FCGRT: variants seen among roughly 807,000 people sequenced by gnomAD.
FCGRT encodes Fc gamma receptor and transporter.
FCGRT carries 13 observed loss-of-function variants against 35.7 expected under a neutral mutation model. That is an observed-to-expected ratio of 0.36 (90% CI 0.24 to 0.58). The LOEUF (loss-of-function observed/expected upper bound fraction) is 0.58, where lower values mean the gene tolerates loss of function less well. FCGRT is among the 20% of genes least tolerant of loss of function. The pLI is 0.77. For synonymous variants in FCGRT, 233 were observed against 216.5 expected (o/e 1.08, Z -0.67); for missense variants, 455 against 474.9 (o/e 0.96, Z 0.39).
chr19:49,514,317 C>T lies in FCGRT; in HGVS notation c.432C>T (p.Asp144=), dbSNP rs1373233594. The change falls in exon 4 of 7, where the codon GAC becomes GAT. Residue 144 remains aspartate, a synonymous_variant. Coordinates refer to ENST00000221466, the MANE Select transcript of FCGRT (RefSeq NM_001136019.3). ...ALNGEEFMNF[D]LKQGTWGGDW... Reference sequence around the variant, plus strand: ...ACGGCGAGGAGTTCATGAATTTCGACCTCAAGCAGGGCACCTGGGGTGGGG... The same window carrying T: ...ACGGCGAGGAGTTCATGAATTTCGATCTCAAGCAGGGCACCTGGGGTGGGG... The T allele has an allele frequency of 7.4e-6, 12 of 1,613,340 alleles. No homozygotes were observed. Among genetic ancestry groups the T allele is most frequent in the Non-Finnish European group, 9.3e-6 (11 of 1,179,824 alleles).
intron 1 of FCGRT, 93 bp from the exon 2 acceptor site, chr19:49,513,294 C>G (rs34972354): frequency 2.0e-6 from 1 of 510,802 alleles, no homozygotes; most frequent in African/African-American, 2.0e-5. Flanking sequence ...AGAGCCCCTC[C>G]TCGGCGTCCT....
intron 2 of FCGRT, 191 bp from the exon 3 acceptor site, chr19:49,513,691 C>T: frequency 1.7e-6 from 1 of 576,366 alleles, no homozygotes. Context: ...GGGTCTCTGT[C>T]CCCCTCTCTT....
In FCGRT at chr19:49,526,424, G is replaced by T. The variant is rs2080078249; in HGVS notation, c.*305G>T. On this transcript the variant is annotated 3_prime_UTR_variant, in exon 7 of 7. Transcript: ENST00000221466. Reference sequence around the variant, plus strand: ...GCTGGGCCTCGGATCTCTCCTACAGGTAACATGCTGCCACAGGGGAACCTG... The same window carrying T: ...GCTGGGCCTCGGATCTCTCCTACAGTTAACATGCTGCCACAGGGGAACCTG... The T allele has an allele frequency of 7.7e-6, 3 of 389,194 alleles. No homozygotes were observed. In the South Asian group the frequency reaches 9.8e-5, roughly 13 times the overall value. 24.1% of individuals were successfully genotyped at this position (389,194 alleles called of 1,614,324 possible).
intron 4 of FCGRT, chr19:49,520,889 C>T (rs1427844020): frequency 2.6e-5 from 4 of 152,272 alleles, no homozygotes; most frequent in African/African-American, 9.6e-5. Context: ...AGAGAGGCAG[C>T]TCCAGGAGGG....
chr19:49,517,841 C>T (rs536893528), intron 4 of FCGRT, among the ~76,000 whole-genome samples: 13 of 152,100 alleles, frequency 8.5e-5, no homozygotes, highest in Admixed American at 4.6e-4. Context: ...TACAGGTGCC[C>T]GCCACCTCGC....
At chr19:49,522,903 A>G (rs1199871871) in intron 4 of FCGRT, among the ~76,000 whole-genome samples, 1 of 146,010 alleles carries the variant, frequency 6.8e-6, no homozygotes, top group Non-Finnish European at 1.5e-5. Context: ...TCAGCCTCCC[A>G]AGTGGCTGGG....
chr19:49,525,511 T>C lies in FCGRT; in HGVS notation c.926T>C (p.Leu309Pro), dbSNP rs961720168. Reference protein sequence around the residue: ...LVVGIVIGVLLLTAAAVGGAL... With the variant: ...LVVGIVIGVLPLTAAAVGGAL... ...GTGGGAATCGTCATCGGTGTCTTGC[T>C]ACTCACGGCAGCGGCTGTAGGAGGA... Residue 309 changes from leucine (L) to proline (P), a missense_variant, in exon 6 of 7, where the codon CTA becomes CCA. Around this residue, in one of 3 missense-constraint regions of FCGRT, gnomAD observed 312 missense variants for 296.1 expected, o/e 1.05. Transcript: ENST00000221466. The C allele has an allele frequency of 1.9e-6, 3 of 1,613,818 alleles. No homozygotes were observed. The highest frequency in any genetic ancestry group is 2.7e-5 in the African/African-American group (2 of 74,918).
Position 49,519,049 on chromosome 19 carries a change from A to G in FCGRT, c.601+4563A>G, listed in dbSNP as rs933070944. Among the ~76,000 whole-genome samples, 13 of 149,584 alleles carry G rather than the reference A, an allele frequency of 8.7e-5. No homozygotes were observed. In the East Asian group the frequency reaches 2.6e-3, roughly 30 times the overall value. ...AGTAGAGACAGAGTTTCACTGTGTTAGGCAGGATGGTCTCGATCTCCTGAC... is the reference window on the plus strand; with the variant it reads ...AGTAGAGACAGAGTTTCACTGTGTTGGGCAGGATGGTCTCGATCTCCTGAC... On this transcript the variant is annotated intron_variant, in intron 4 of 6. Coordinates refer to ENST00000221466, the MANE Select transcript of FCGRT (RefSeq NM_001136019.3).
At chr19:49,513,097 T>C (rs1456570719) in intron 1 of FCGRT, 64 of 90,068 alleles carry the variant, frequency 7.1e-4, no homozygotes, top group African/African-American at 6.3e-3. Context: ...GTTGGGGGCC[T>C]GGACTCCGGG....
intron 4 of FCGRT, among the ~76,000 whole-genome samples, chr19:49,519,970 A>G (rs1286326041): frequency 1.3e-5 from 2 of 148,676 alleles, no homozygotes; most frequent in African/African-American, 2.5e-5. Context: ...AGCTGGGATT[A>G]CAGGTGCGTG....
At chr19:49,516,158 T>C (rs1208408099) in intron 4 of FCGRT, 7 of 454,696 alleles carry the variant, frequency 1.5e-5, no homozygotes, top group East Asian at 1.4e-4. Flanking sequence ...TGCACAGATA[T>C]TCATTCCAAG....
intron 5 of FCGRT, 199 bp from the exon 6 acceptor site, chr19:49,525,258 C>T: frequency 1.7e-6 from 1 of 580,726 alleles, no homozygotes; most frequent in South Asian, 1.8e-5. Flanking sequence ...GTGACCGCGG[C>T]CGCTCGTGCT....
At chr19:49,518,433 A>G (rs776798476) in intron 4 of FCGRT, among the ~76,000 whole-genome samples, 2 of 148,074 alleles carry the variant, frequency 1.4e-5, no homozygotes, top group Non-Finnish European at 3.0e-5. Flanking sequence ...TGGTGCAATC[A>G]TAGCTCACTG....
intron 5 of FCGRT, 180 bp downstream of exon 5, chr19:49,524,956 C>G (rs1488756306): frequency 4.2e-6 from 3 of 715,488 alleles, no homozygotes; most frequent in Non-Finnish European, 7.5e-6. Flanking sequence ...CCAAGGCCAA[C>G]TGCCTTCCGT....
chr19:49,513,717 T>TCTCTCTCTCA, intron 2 of FCGRT, 165 bp from the exon 3 acceptor site: 1 of 590,152 alleles, frequency 1.7e-6, no homozygotes, highest in Non-Finnish European at 2.8e-6. Flanking sequence ...GTCTCTTGTC[T>TCTCTCTCTCA]CTCTCTCTCT....
At chr19:49,522,574 G>A (rs2080047647) in intron 4 of FCGRT, among the ~76,000 whole-genome samples, 1 of 151,506 alleles carries the variant, frequency 6.6e-6, no homozygotes, top group South Asian at 2.1e-4. Flanking sequence ...TGGGATTACA[G>A]GTACACGCCA....
chr19:49,524,014 T>C (rs2080057630), intron 4 of FCGRT, among the ~76,000 whole-genome samples: 1 of 109,240 alleles, frequency 9.2e-6, no homozygotes, highest in Admixed American at 9.5e-5. Context: ...ATCCTCTATC[T>C]TTTTTTTTTT....
At position 49,514,066 on chromosome 19, in the gene FCGRT, A is replaced by G; in HGVS notation, c.258A>G (p.Lys86=). The change falls in exon 3 of 7, where the codon AAA becomes AAG. Residue 86 remains lysine, a synonymous_variant. Coordinates refer to ENST00000221466, the MANE Select transcript of FCGRT (RefSeq NM_001136019.3). The stretch of plus-strand genomic sequence containing the variant: ...ACCAGGTGTCCTGGTATTGGGAGAA[A>G]GAGACCACAGATCTGAGGATCAAGG... The part of the protein sequence containing the change: ...WENQVSWYWE[K]ETTDLRIKEK... 1 of 1,611,534 alleles carries G rather than the reference A, an allele frequency of 6.2e-7. No individual in the cohort carries two copies. The highest frequency in any genetic ancestry group is 8.5e-7 in the Non-Finnish European group (1 of 1,179,994).
At position 49,513,680 on chromosome 19, in the gene FCGRT, TG is replaced by T. The variant is rs1601186036; in HGVS notation, c.74-199del. The T allele has an allele frequency of 7.5e-6, 4 of 533,160 alleles. No individual in the cohort carries two copies. The East Asian group carries it at 9.1e-5, about 12-fold the overall frequency. 33.0% of individuals were successfully genotyped at this position (533,160 alleles called of 1,614,324 possible). A position where few individuals can be genotyped will look rare whatever the true frequency, so the allele number is the denominator to read the frequency against. ...TTGTGTCTGTTTCCCTCTCTCTCTCTGGGTCTCTGTCCCCCTCTCTTTCTGG... is the reference window on the plus strand; with the variant it reads ...TTGTGTCTGTTTCCCTCTCTCTCTCTGGTCTCTGTCCCCCTCTCTTTCTGG... On this transcript the variant is annotated intron_variant, in intron 2 of 6. Coordinates refer to ENST00000221466, the MANE Select transcript of FCGRT (RefSeq NM_001136019.3).
Sources: gnomAD v4.1 joint callset for allele counts (sites outside exome capture counted in the v4.1 genomes callset) on GRCh38, gnomAD v4.1.1 for gene constraint, gnomAD v4.1.1 regional missense constraint, MANE v1.5 for transcripts, NCBI Gene and HGNC (gene_info 2026-07-23, HGNC 2026-07-21) for gene names.